The following GRM7 variants were observed in gnomAD, a reference collection of about 807,000 sequenced individuals.
The protein encoded by GRM7 is glutamate metabotropic receptor 7, also known as metabotropic glutamate receptor 7.
GRM7 carries 35 observed loss-of-function variants against 84.5 expected under a neutral mutation model. The observed-to-expected ratio is 0.41, with a 90% CI of 0.32 to 0.55. The LOEUF is 0.55. Ranked by LOEUF, GRM7 falls within the 20% of genes least tolerant of loss-of-function variation. GRM7 has a pLI of 0.19. For synonymous variants in GRM7, 487 were observed against 455.1 expected (o/e 1.07, Z -0.89); for missense variants, 1,003 against 1,194.6 (o/e 0.84, Z 2.36).
intron 1 of GRM7, among the ~76,000 whole-genome samples, chr3:7,068,390 A>T (rs1049111844): frequency 1.3e-5 from 2 of 152,050 alleles, no homozygotes; most frequent in Non-Finnish European, 2.9e-5. Flanking sequence ...GCTCAGGTCA[A>T]TAAAGGCCTG....
At chr3:7,538,992 C>A (rs1298085823) in intron 7 of GRM7, among the ~76,000 whole-genome samples, 1 of 152,020 alleles carries the variant, frequency 6.6e-6, no homozygotes, top group Non-Finnish European at 1.5e-5. Flanking sequence ...CTCTCAGCAG[C>A]CCCACACCAA....
rs750042352 is a variant in GRM7, at chr3:7,663,991, G to C, written c.2452-16058G>C. Among the ~76,000 whole-genome samples the C allele has an allele frequency of 5.4e-4, 83 of 152,318 alleles. 1 individual carries two copies. The highest frequency in any genetic ancestry group is 3.4e-3 in the Middle Eastern group (1 of 294). On this transcript the variant is annotated intron_variant, in intron 8 of 9. Coordinates refer to ENST00000357716, the MANE Select transcript of GRM7 (RefSeq NM_000844.4). ...TATGACCACAGGACAAGAAAAGCTTGTCTCAAACATCTCTAATGCGTGCAA... is the reference window on the plus strand; with the variant it reads ...TATGACCACAGGACAAGAAAAGCTTCTCTCAAACATCTCTAATGCGTGCAA...
intron 1 of GRM7, among the ~76,000 whole-genome samples, chr3:7,094,864 T>A (rs139043009): frequency 8.5e-5 from 13 of 152,270 alleles, no homozygotes; most frequent in Non-Finnish European, 1.6e-4. Context: ...AAAAATTACA[T>A]CTTTATTTAA....
intron 7 of GRM7, among the ~76,000 whole-genome samples, chr3:7,511,725 G>T (rs1700217484): frequency 6.6e-6 from 1 of 152,140 alleles, no homozygotes; most frequent in African/African-American, 2.4e-5. Context: ...TTCTCAATGA[G>T]ACCACAAAGG....
chr3:6,894,407 T>C (rs1050768524), intron 1 of GRM7, among the ~76,000 whole-genome samples: 1 of 152,154 alleles, frequency 6.6e-6, no homozygotes, highest in African/African-American at 2.4e-5. Flanking sequence ...TAATGAAACA[T>C]GATTCTTTAG....
chr3:7,590,879 G>A (rs1022628336), intron 8 of GRM7, among the ~76,000 whole-genome samples: 1 of 152,112 alleles, frequency 6.6e-6, no homozygotes. Flanking sequence ...ACGTGTACCT[G>A]TATCTCCTCA....
At chr3:6,970,762 G>A (rs1255041302) in intron 1 of GRM7, among the ~76,000 whole-genome samples, 1 of 152,120 alleles carries the variant, frequency 6.6e-6, no homozygotes, top group African/African-American at 2.4e-5. Flanking sequence ...GGCGGATCAC[G>A]AGGTCAGGAG....
intron 2 of GRM7, among the ~76,000 whole-genome samples, chr3:7,244,167 A>G (rs882226): frequency 0.27 from 41,402 of 152,020 alleles, 6,855 homozygotes; most frequent in Admixed American, 0.4. Flanking sequence ...AACTTAGCTT[A>G]CAGTAACTTT....
intron 2 of GRM7, among the ~76,000 whole-genome samples, chr3:7,197,280 G>A (rs1437233184): frequency 6.6e-5 from 10 of 152,166 alleles, no homozygotes; most frequent in Non-Finnish European, 1.5e-4. Context: ...TGCTGATGTT[G>A]TTTATGCCAC....
At chr3:7,022,590 T>A (rs1255603027) in intron 1 of GRM7, among the ~76,000 whole-genome samples, 2 of 152,126 alleles carry the variant, frequency 1.3e-5, no homozygotes, top group Non-Finnish European at 2.9e-5. Context: ...GAAGAAAATG[T>A]TTAAGTATAT....
chr3:7,282,201 C>T (rs1406550639), intron 2 of GRM7, among the ~76,000 whole-genome samples: 1 of 152,194 alleles, frequency 6.6e-6, no homozygotes, highest in Non-Finnish European at 1.5e-5. Flanking sequence ...TATCTTGAAA[C>T]AGCAGATTCA....
chr3:7,450,299 C>T (rs1052458472), intron 5 of GRM7, among the ~76,000 whole-genome samples: 1 of 152,066 alleles, frequency 6.6e-6, no homozygotes, highest in Non-Finnish European at 1.5e-5. Flanking sequence ...GCTGAGGTTG[C>T]AGGGAAACAA....
chr3:7,407,002 G>T (rs1695709729), intron 4 of GRM7, among the ~76,000 whole-genome samples: 1 of 152,190 alleles, frequency 6.6e-6, no homozygotes, highest in Non-Finnish European at 1.5e-5. Context: ...AGGAGGAAGG[G>T]TAGAAAGGCA....
chr3:7,572,842 A>G (rs1265013145), intron 7 of GRM7, among the ~76,000 whole-genome samples: 1 of 16,992 alleles, frequency 5.9e-5, no homozygotes, highest in African/African-American at 1.9e-4. Context: ...ATATATATAT[A>G]TATATATATA....
At chr3:7,401,190 C>A (rs1695432170) in intron 4 of GRM7, among the ~76,000 whole-genome samples, 1 of 152,092 alleles carries the variant, frequency 6.6e-6, no homozygotes, top group Non-Finnish European at 1.5e-5. Context: ...GACGAAGAAG[C>A]AATCCCTGGT....
intron 1 of GRM7, among the ~76,000 whole-genome samples, chr3:7,064,165 G>C (rs1208398381): frequency 6.6e-6 from 1 of 151,058 alleles, no homozygotes; most frequent in Non-Finnish European, 1.5e-5. Context: ...GTGGTGATTT[G>C]TGAGATTTTG....
At chr3:7,149,110 G>T (rs1694199094) in intron 2 of GRM7, among the ~76,000 whole-genome samples, 1 of 151,894 alleles carries the variant, frequency 6.6e-6, no homozygotes, top group Non-Finnish European at 1.5e-5. Flanking sequence ...AAAATGCATT[G>T]GAACTATATC....
At chr3:7,397,355 A>G (rs999531197) in intron 4 of GRM7, among the ~76,000 whole-genome samples, 2 of 152,174 alleles carry the variant, frequency 1.3e-5, no homozygotes, top group Middle Eastern at 3.2e-3. Context: ...AGGAAACATC[A>G]TCCCTTGACT....
At chr3:7,030,731 G>C (rs2124926758) in intron 1 of GRM7, among the ~76,000 whole-genome samples, 1 of 152,158 alleles carries the variant, frequency 6.6e-6, no homozygotes, top group East Asian at 1.9e-4. Context: ...ATAATGATTT[G>C]GAATTTAATG....
Sources: gnomAD v4.1 joint callset for allele counts (sites outside exome capture counted in the v4.1 genomes callset) on GRCh38, gnomAD v4.1.1 for gene constraint, MANE v1.5 for transcripts, NCBI Gene and HGNC (gene_info 2026-07-23, HGNC 2026-07-21) for gene names.